Variants in FHIT observed in about 807,000 individuals in gnomAD.
FHIT encodes bis(5'-adenosyl)-triphosphatase.
Under a neutral mutation model 17.9 loss-of-function variants are expected in FHIT, and 19 were observed. The observed-to-expected ratio is 1.06, with a 90% confidence interval of 0.74 to 1.56. The LOEUF is 1.56. FHIT is among the 40% of genes most tolerant of loss of function. The probability of loss-of-function intolerance (pLI) is 0.00; values close to 1 mark genes in which losing one functional copy is unlikely to be tolerated. For synonymous variants in FHIT, 81 were observed against 69.7 expected (o/e 1.16, Z -0.81); for missense variants, 248 against 189.2 (o/e 1.31, Z -1.82).
intron 3 of FHIT, among the ~76,000 whole-genome samples, chr3:60,839,200 T>G (rs1170206587): frequency 6.6e-6 from 1 of 152,190 alleles, no homozygotes; most frequent in Non-Finnish European, 1.5e-5. Context: ...AAAGCAATGA[T>G]TGCTACTATA....
chr3:60,449,636 C>T (rs1273226387), intron 5 of FHIT, among the ~76,000 whole-genome samples: 1 of 151,948 alleles, frequency 6.6e-6, no homozygotes, highest in Non-Finnish European at 1.5e-5. Context: ...TGTTATTGTA[C>T]TGAATACTGT....
intron 5 of FHIT, among the ~76,000 whole-genome samples, chr3:60,053,334 T>G (rs1438237127): frequency 2.7e-5 from 4 of 150,570 alleles, no homozygotes; most frequent in Non-Finnish European, 5.9e-5. Flanking sequence ...CTCACCATTA[T>G]GTCAGAGACT....
At chr3:60,580,508 T>C (rs557228181) in intron 4 of FHIT, among the ~76,000 whole-genome samples, 1 of 152,260 alleles carries the variant, frequency 6.6e-6, no homozygotes, top group South Asian at 2.1e-4. Context: ...TCCATTTTAA[T>C]ATTTCATCTC....
chr3:60,126,476 C>A (rs1189166072), intron 5 of FHIT, among the ~76,000 whole-genome samples: 3 of 152,172 alleles, frequency 2.0e-5, no homozygotes, highest in Non-Finnish European at 4.4e-5. Context: ...TAACTACTAC[C>A]ACTGTCATAA....
intron 5 of FHIT, among the ~76,000 whole-genome samples, chr3:60,357,193 G>C (rs552901464): frequency 6.6e-6 from 1 of 152,034 alleles, no homozygotes; most frequent in Admixed American, 6.6e-5. Flanking sequence ...AAACACTGGA[G>C]ATCACTTGTT....
intron 5 of FHIT, among the ~76,000 whole-genome samples, chr3:60,058,324 T>A (rs574179878): frequency 6.6e-6 from 1 of 151,864 alleles, no homozygotes; most frequent in Admixed American, 6.6e-5. Context: ...AGAGATGGGG[T>A]TTCACCATGT....
intron 5 of FHIT, among the ~76,000 whole-genome samples, chr3:60,286,280 A>G (rs190647144): frequency 2.0e-5 from 3 of 152,230 alleles, no homozygotes; most frequent in East Asian, 3.8e-4. Context: ...TTTCTATTGT[A>G]TCATTTTCAT....
chr3:60,614,673 C>A (rs1429527976), intron 4 of FHIT, among the ~76,000 whole-genome samples: 1 of 152,030 alleles, frequency 6.6e-6, no homozygotes, highest in Non-Finnish European at 1.5e-5. Context: ...TCTATTTGGA[C>A]ATTACAGTGG....
At chr3:60,438,769 T>A (rs1410636756) in intron 5 of FHIT, among the ~76,000 whole-genome samples, 5 of 152,080 alleles carry the variant, frequency 3.3e-5, no homozygotes, top group Admixed American at 1.3e-4. Flanking sequence ...CATTGTTGGG[T>A]TAAATCAAAC....
At chr3:60,534,804 A>C (rs1478733258) in intron 5 of FHIT, among the ~76,000 whole-genome samples, 1 of 152,224 alleles carries the variant, frequency 6.6e-6, no homozygotes, top group Non-Finnish European at 1.5e-5. Flanking sequence ...CACCAGTGCC[A>C]TCTACAAAGA....
intron 3 of FHIT, among the ~76,000 whole-genome samples, chr3:60,836,757 C>T (rs1553743938): frequency 6.6e-6 from 1 of 152,048 alleles, no homozygotes; most frequent in African/African-American, 2.4e-5. Context: ...CAGATTCCCG[C>T]CCAAAGCAAT....
At chr3:60,708,631 G>A (rs1237586248) in intron 4 of FHIT, among the ~76,000 whole-genome samples, 1 of 152,162 alleles carries the variant, frequency 6.6e-6, no homozygotes, top group East Asian at 1.9e-4. Flanking sequence ...CTGTTCTAAA[G>A]GAAAACATGA....
intron 3 of FHIT, among the ~76,000 whole-genome samples, chr3:60,976,238 C>G (rs1024882708): frequency 1.6e-4 from 24 of 150,720 alleles, no homozygotes; most frequent in African/African-American, 5.4e-4. Flanking sequence ...TCCCAAGTAG[C>G]TGGAATTACA....
At chr3:60,598,857 T>C (rs1315349461) in intron 4 of FHIT, among the ~76,000 whole-genome samples, 1 of 152,130 alleles carries the variant, frequency 6.6e-6, no homozygotes, top group Non-Finnish European at 1.5e-5. Context: ...GTGTTTGCTT[T>C]TAGCAAACAT....
At chr3:60,617,147 T>A (rs2038976055) in intron 4 of FHIT, 1 of 217,570 alleles carries the variant, frequency 4.6e-6, no homozygotes, top group African/African-American at 2.3e-5. Context: ...AGCAAAGAAG[T>A]GATTGTTAGC....
At chr3:60,074,946 C>T (rs948944437) in intron 5 of FHIT, among the ~76,000 whole-genome samples, 1 of 152,084 alleles carries the variant, frequency 6.6e-6, no homozygotes, top group African/African-American at 2.4e-5. Flanking sequence ...GGATCCAAGA[C>T]ATGAAGCAAT....
intron 5 of FHIT, among the ~76,000 whole-genome samples, chr3:60,117,006 A>G (rs900714513): frequency 6.6e-6 from 1 of 152,238 alleles, no homozygotes; most frequent in Admixed American, 6.5e-5. Context: ...GTTATTAAAT[A>G]CATCTTCTAG....
intron 4 of FHIT, among the ~76,000 whole-genome samples, chr3:60,553,761 A>G (rs2036649397): frequency 6.6e-6 from 1 of 152,076 alleles, no homozygotes; most frequent in Non-Finnish European, 1.5e-5. Context: ...AAACACCAGC[A>G]TCAAGGCCTA....
intron 5 of FHIT, among the ~76,000 whole-genome samples, chr3:60,037,074 C>T (rs928501798): frequency 3.9e-5 from 6 of 152,190 alleles, no homozygotes; most frequent in African/African-American, 7.2e-5. Context: ...ACCAACGTCA[C>T]CTTGTCACGG....
Sources: allele counts gnomAD v4.1 joint callset (sites outside exome capture counted in the v4.1 genomes callset), GRCh38; gene constraint gnomAD v4.1.1; transcripts MANE v1.5; gene names NCBI Gene and HGNC (gene_info 2026-07-23, HGNC 2026-07-21).